The following CBLB variants were observed in gnomAD, a reference collection of about 807,000 sequenced individuals.
The protein encoded by CBLB is E3 ubiquitin-protein ligase CBL-B.
Under a neutral mutation model 104.9 loss-of-function variants are expected in CBLB, and 31 were observed. The observed-to-expected ratio is 0.30, with a 90% CI of 0.22 to 0.40. CBLB has a LOEUF of 0.40. Ranked by LOEUF, CBLB falls within the 10% of genes least tolerant of loss-of-function variation. CBLB has a pLI of 1.00. For missense variants in CBLB, 1,062 were observed against 1,214.6 expected (o/e 0.87, Z 1.87); for synonymous variants, 440 against 422.6 (o/e 1.04, Z -0.51).
At chr3:105,686,464 CAAA>C (rs2067020596) in intron 13 of CBLB, among the ~76,000 whole-genome samples, 1 of 148,942 alleles carries the variant, frequency 6.7e-6, no homozygotes, top group African/African-American at 2.5e-5. Context: ...AAAAAAAAAA[CAAA>C]AAAACTAAGT....
intron 11 of CBLB, 40 bp from the exon 12 acceptor site, chr3:105,702,499 A>AAAAAAAAAAAATGTT: frequency 7.2e-7 from 1 of 1,386,848 alleles, no homozygotes; most frequent in Non-Finnish European, 9.6e-7. Context: ...AAAAAAAAAA[A>AAAAAAAAAAAATGTT]CTAAAGGTTG....
At chr3:105,867,941 T>C (rs892936389) in intron 1 of CBLB, among the ~76,000 whole-genome samples, 1 of 150,160 alleles carries the variant, frequency 6.7e-6, no homozygotes, top group African/African-American at 2.4e-5. Flanking sequence ...AAAAACAGAA[T>C]GTTCTTCCCC....
At chr3:105,811,346 T>C (rs543524039) in intron 3 of CBLB, among the ~76,000 whole-genome samples, 55 of 152,346 alleles carry the variant, frequency 3.6e-4, no homozygotes, top group African/African-American at 1.3e-3. Context: ...TATGACAGAA[T>C]TCATGGCTGT....
At chr3:105,671,617 T>C (rs1359249545) in intron 17 of CBLB, 1 of 206,438 alleles carries the variant, frequency 4.8e-6, no homozygotes, top group Non-Finnish European at 9.9e-6. Flanking sequence ...ATTAATAATA[T>C]GTAAGTATTT....
chr3:105,833,038 C>A (rs2153081350), intron 3 of CBLB, among the ~76,000 whole-genome samples: 1 of 152,022 alleles, frequency 6.6e-6, no homozygotes, highest in African/African-American at 2.4e-5. Flanking sequence ...ATGTGGAGGT[C>A]CTAAAGGCCT....
chr3:105,786,061 C>CGGGGGGG (rs76857199), intron 3 of CBLB, among the ~76,000 whole-genome samples: 3 of 79,246 alleles, frequency 3.8e-5, no homozygotes, highest in Non-Finnish European at 5.4e-5. Flanking sequence ...GTGAGAGGAT[C>CGGGGGGG]GGGGGGGGGA....
Position 105,656,248 on chromosome 3 carries a change from T to G in CBLB, c.*2722A>C. 1 of 213,316 alleles carries G rather than the reference T, an allele frequency of 4.7e-6. No homozygotes were observed. Among genetic ancestry groups the G allele is most frequent in the East Asian group, 7.0e-5 (1 of 14,314 alleles). 13.2% of individuals were successfully genotyped at this position (213,316 alleles called of 1,614,324 possible). A position where few individuals can be genotyped will look rare whatever the true frequency, so the allele number is the denominator to read the frequency against. On this transcript the variant is annotated 3_prime_UTR_variant, in exon 19 of 19. Transcript: ENST00000394030. ...TATTGGCCACATATCAGTAAGTTAA[T>G]TTGTCTTAATTTTATGTATTATATG...
intron 3 of CBLB, among the ~76,000 whole-genome samples, chr3:105,826,694 T>C (rs2086629858): frequency 6.6e-6 from 1 of 152,156 alleles, no homozygotes; most frequent in Non-Finnish European, 1.5e-5. Flanking sequence ...CAGAAGATTG[T>C]GGAAGCCTTG....
At chr3:105,738,720 A>G (rs543891738) in intron 7 of CBLB, among the ~76,000 whole-genome samples, 18 of 152,286 alleles carry the variant, frequency 1.2e-4, no homozygotes, top group African/African-American at 4.3e-4. Flanking sequence ...TTTCTTAAAA[A>G]AAATCTGTAA....
In CBLB at chr3:105,685,321, G is replaced by A. The variant is rs748390313; in HGVS notation, c.2200C>T (p.Arg734Trp). 37 of 1,613,396 alleles carry A rather than the reference G, an allele frequency of 2.3e-5. No homozygotes were observed. Among genetic ancestry groups the A allele is most frequent in the East Asian group, 4.5e-5 (2 of 44,816 alleles). The change falls in exon 14 of 19, where the codon CGG becomes TGG. Residue 734 changes from arginine (R) to tryptophan (W), a missense_variant and splice_region_variant. Transcript: ENST00000394030. Reference protein sequence around the residue: ...SHCHNVKPPVRSCDNGHCMLN... With the variant: ...SHCHNVKPPVWSCDNGHCMLN... ...GCAAAAATCTGCCCATACTCTTACC[G>A]AACAGGAGGTTTTACATTATGACAA...
intron 12 of CBLB, among the ~76,000 whole-genome samples, chr3:105,696,666 C>G (rs2068426871): frequency 6.6e-6 from 1 of 151,834 alleles, no homozygotes. Flanking sequence ...GGAAATGCTA[C>G]CAATTTAAAT....
chr3:105,811,228 T>C (rs1424149896), intron 3 of CBLB, among the ~76,000 whole-genome samples: 2 of 152,198 alleles, frequency 1.3e-5, no homozygotes, highest in Non-Finnish European at 2.9e-5. Flanking sequence ...TTTTGAGTCA[T>C]TATAAACACA....
chr3:105,705,695 T>C (rs553025841), intron 10 of CBLB, among the ~76,000 whole-genome samples: 1 of 152,354 alleles, frequency 6.6e-6, no homozygotes, highest in African/African-American at 2.4e-5. Flanking sequence ...CTTAATTACC[T>C]GACCGTGGTA....
At chr3:105,762,642 G>A (rs2077763486) in intron 4 of CBLB, among the ~76,000 whole-genome samples, 1 of 152,246 alleles carries the variant, frequency 6.6e-6, no homozygotes, top group East Asian at 1.9e-4. Context: ...GAAGATGTAT[G>A]GAAATGCTTG....
intron 17 of CBLB, chr3:105,673,629 C>CTTTA (rs2065303525): frequency 6.6e-6 from 1 of 152,184 alleles, no homozygotes; most frequent in South Asian, 2.1e-4. Context: ...TGCCCTCATG[C>CTTTA]TTTAGCTCAT....
intron 3 of CBLB, among the ~76,000 whole-genome samples, chr3:105,832,026 T>A (rs2087609018): frequency 6.6e-6 from 1 of 152,096 alleles, no homozygotes; most frequent in Non-Finnish European, 1.5e-5. Flanking sequence ...ACAGGAAATT[T>A]TAAAAAAAAA....
At chr3:105,857,381 C>A (rs558243967) in intron 2 of CBLB, among the ~76,000 whole-genome samples, 4 of 152,154 alleles carry the variant, frequency 2.6e-5, no homozygotes, top group Non-Finnish European at 5.9e-5. Context: ...CTAGAACATA[C>A]TTCCTGATTC....
chr3:105,797,196 A>G (rs772926180), intron 3 of CBLB, among the ~76,000 whole-genome samples: 3 of 152,230 alleles, frequency 2.0e-5, no homozygotes, highest in Non-Finnish European at 2.9e-5. Context: ...AATGCCATCA[A>G]TGGTAGACTG....
At chr3:105,857,660 A>G (rs2091742377) in intron 2 of CBLB, among the ~76,000 whole-genome samples, 2 of 152,242 alleles carry the variant, frequency 1.3e-5, no homozygotes, top group Non-Finnish European at 2.9e-5. Flanking sequence ...GATCCCTGCT[A>G]AACTCATTTA....
Sources: allele counts gnomAD v4.1 joint callset (sites outside exome capture counted in the v4.1 genomes callset), GRCh38; gene constraint gnomAD v4.1.1; transcripts MANE v1.5; gene names NCBI Gene and HGNC (gene_info 2026-07-23, HGNC 2026-07-21).